Variants in WWC1 observed in about 807,000 individuals in gnomAD.
The protein encoded by WWC1 is WW and C2 domain containing 1, also known as protein KIBRA.
In WWC1, 55 loss-of-function variants were observed where a neutral mutation model predicts 138.4. That is an observed-to-expected ratio of 0.40 (90% CI 0.32 to 0.50). The LOEUF (loss-of-function observed/expected upper bound fraction) is 0.50, where lower values mean the gene tolerates loss of function less well. Among genes scored for constraint, WWC1 ranks in the 20% least tolerant of loss-of-function variants. WWC1 has a pLI of 0.72. For synonymous variants in WWC1, 524 were observed against 564.9 expected, an observed-to-expected ratio of 0.93 and a Z score of 1.03; for missense variants, 1,226 against 1,420.4, an observed-to-expected ratio of 0.86 and a Z score of 2.20.
At chr5:168,435,112 A>G (rs1019432421) in intron 15 of WWC1, among the ~76,000 whole-genome samples, 1 of 152,140 alleles carries the variant, frequency 6.6e-6, no homozygotes, top group African/African-American at 2.4e-5. Context: ...TCCCTGGACC[A>G]TTTACTCACC....
intron 17 of WWC1, among the ~76,000 whole-genome samples, chr5:168,452,195 C>G (rs1031486234): frequency 7.2e-5 from 11 of 152,170 alleles, no homozygotes; most frequent in Non-Finnish European, 1.5e-4. Context: ...CGTGAGCTAC[C>G]ACGCCTGGCC....
intron 2 of WWC1, among the ~76,000 whole-genome samples, chr5:168,373,190 T>C (rs1235350760): frequency 6.6e-6 from 1 of 152,212 alleles, no homozygotes; most frequent in African/African-American, 2.4e-5. Context: ...AATCAGTCTT[T>C]TCCTGTTTCT....
chr5:168,467,991 C>CA, intron 22 of WWC1, 27 bp downstream of exon 22: 1 of 1,613,134 alleles, frequency 6.2e-7, no homozygotes, highest in Admixed American at 1.7e-5. Context: ...GGCAGCCCCC[C>CA]ATCCCTTTCT....
Position 168,467,945 on chromosome 5 carries a change from C to G in WWC1, c.3256C>G (p.Pro1086Ala), listed in dbSNP as rs757367396. ...RLRGQSCKEPPEVQSFREKMA... is the reference protein window; with the variant it reads ...RLRGQSCKEPAEVQSFREKMA... ...CCGAGGCCAGAGCTGTAAGGAACCCCCAGAAGTTCAGTCTTTCAGGTAAGC... is the reference window on the plus strand; with the variant it reads ...CCGAGGCCAGAGCTGTAAGGAACCCGCAGAAGTTCAGTCTTTCAGGTAAGC... Residue 1086 changes from proline to alanine, a missense_variant, in exon 22 of 23, where the codon CCA becomes GCA. Coordinates refer to ENST00000265293, the MANE Select transcript of WWC1 (RefSeq NM_015238.3). 8.1e-6 allele frequency: 13 copies of G among 1,614,092 alleles called. No individual in the cohort carries two copies. Among genetic ancestry groups the G allele is most frequent in the Non-Finnish European group, 1.1e-5 (13 of 1,180,042 alleles).
At chr5:168,452,149 G>A (rs1382316435) in intron 17 of WWC1, among the ~76,000 whole-genome samples, 5 of 152,028 alleles carry the variant, frequency 3.3e-5, no homozygotes, top group Admixed American at 6.6e-5. Context: ...GGGGTGATCC[G>A]CCCACCTTGG....
intron 1 of WWC1, among the ~76,000 whole-genome samples, chr5:168,322,765 C>T (rs1427805114): frequency 6.6e-6 from 1 of 152,136 alleles, no homozygotes; most frequent in Non-Finnish European, 1.5e-5. Flanking sequence ...TCATCAGGGA[C>T]CCAGATTCTG....
chr5:168,448,828 C>T (rs772872102), intron 17 of WWC1, among the ~76,000 whole-genome samples: 7 of 152,002 alleles, frequency 4.6e-5, no homozygotes, highest in Non-Finnish European at 8.8e-5. Context: ...ACCGTGTTAG[C>T]CAGGATGGTC....
intron 2 of WWC1, among the ~76,000 whole-genome samples, chr5:168,371,764 A>G (rs1300023713): frequency 1.3e-5 from 2 of 152,192 alleles, no homozygotes; most frequent in Non-Finnish European, 2.9e-5. Context: ...TCCTCTCACA[A>G]TCCATCTCCC....
chr5:168,431,467 TGG>T, intron 15 of WWC1, 23 bp downstream of exon 15: 1 of 1,341,498 alleles, frequency 7.5e-7, no homozygotes. Flanking sequence ...TCTGGCTGGC[TGG>T]CTGGCTGGCT....
intron 5 of WWC1, among the ~76,000 whole-genome samples, chr5:168,403,947 C>G (rs941690002): frequency 6.6e-6 from 1 of 151,016 alleles, no homozygotes; most frequent in Non-Finnish European, 1.5e-5. Context: ...ATTCATTCAC[C>G]GTGTGCATAA....
intron 16 of WWC1, among the ~76,000 whole-genome samples, chr5:168,444,188 T>G (rs904092913): frequency 6.6e-6 from 1 of 152,264 alleles, no homozygotes; most frequent in Non-Finnish European, 1.5e-5. Context: ...CTGATGACAC[T>G]GTGGTCTGCT....
intron 1 of WWC1, among the ~76,000 whole-genome samples, chr5:168,342,677 G>T (rs541671801): frequency 6.6e-6 from 1 of 152,220 alleles, no homozygotes; most frequent in Non-Finnish European, 1.5e-5. Flanking sequence ...ATACCACACT[G>T]TGTGGAGGAG....
At position 168,397,799 on chromosome 5, in the gene WWC1, G is replaced by T; in HGVS notation, c.509G>T (p.Arg170Leu). 2.5e-6 allele frequency: 4 copies of T among 1,613,954 alleles called. No individual in the cohort carries two copies. The highest frequency in any genetic ancestry group is 3.4e-6 in the Non-Finnish European group (4 of 1,179,928). Residue 170 changes from arginine to leucine, a missense_variant and splice_region_variant, in exon 4 of 23, where the codon CGG becomes CTG. Arg to Leu is a moderately radical substitution (Grantham distance 102, BLOSUM62 -2). This residue lies in a region of WWC1 where 1,016 missense variants were observed against 1,153.9 expected (regional missense o/e 0.88). Coordinates refer to ENST00000265293, the MANE Select transcript of WWC1 (RefSeq NM_015238.3). ...GCTGAAATTGCCACTGCAAAATCCC[G>T]GGTAGGACCTCTTCACCTATGCTAT... ...LKAEIATAKS[R>L]VNKLKREMVH...
chr5:168,425,658 A>ATTT (rs201393086), intron 11 of WWC1, among the ~76,000 whole-genome samples: 18 of 146,990 alleles, frequency 1.2e-4, no homozygotes, highest in Middle Eastern at 3.5e-3. Context: ...TGCCTGGCTA[A>ATTT]TTTTTTTTTT....
intron 1 of WWC1, among the ~76,000 whole-genome samples, chr5:168,358,622 A>G (rs1321364101): frequency 6.6e-6 from 1 of 152,206 alleles, no homozygotes; most frequent in African/African-American, 2.4e-5. Context: ...CAGTTTCTAC[A>G]TCTATAAAAT....
chr5:168,424,025 C>T lies in WWC1; in HGVS notation c.1767C>T (p.Tyr589=), dbSNP rs765173932. Reference sequence around the variant, plus strand: ...TTGGTAACAGCGCCCAGGAAAGATACCGGCTGGAGGAACCAGGAACGGAGG... The same window carrying T: ...TTGGTAACAGCGCCCAGGAAAGATATCGGCTGGAGGAACCAGGAACGGAGG... The part of the protein sequence containing the change: ...LSLGNSAQER[Y]RLEEPGTEGK... The change falls in exon 11 of 23, where the codon TAC becomes TAT. Residue 589 remains tyrosine (Y), a synonymous_variant. Transcript: ENST00000265293. 1 of 1,612,062 alleles carries T rather than the reference C, an allele frequency of 6.2e-7. No individual in the cohort carries two copies.
intron 1 of WWC1, among the ~76,000 whole-genome samples, chr5:168,322,284 A>G (rs979939074): frequency 1.1e-4 from 16 of 152,314 alleles, no homozygotes; most frequent in Non-Finnish European, 2.1e-4. Context: ...TACAAAAAAA[A>G]AAAAAAGTTT....
At chr5:168,315,496 A>T (rs2152752732) in intron 1 of WWC1, among the ~76,000 whole-genome samples, 1 of 152,124 alleles carries the variant, frequency 6.6e-6, no homozygotes, top group Non-Finnish European at 1.5e-5. Flanking sequence ...CTTCAGCTGA[A>T]GGGCCACCTC....
chr5:168,440,146 C>T (rs1458931053), intron 15 of WWC1, among the ~76,000 whole-genome samples: 1 of 152,152 alleles, frequency 6.6e-6, no homozygotes, highest in Admixed American at 6.6e-5. Context: ...GGGGAAAGGA[C>T]TTGAATAGAC....
Sources: gnomAD v4.1 joint callset for allele counts (sites outside exome capture counted in the v4.1 genomes callset) on GRCh38, gnomAD v4.1.1 for gene constraint, gnomAD v4.1.1 regional missense constraint, MANE v1.5 for transcripts, NCBI Gene and HGNC (gene_info 2026-07-23, HGNC 2026-07-21) for gene names.